HOXC11: variants seen among roughly 807,000 people sequenced by gnomAD.
HOXC11 encodes the protein homeobox protein Hox-C11.
A neutral mutation model predicts 23.6 loss-of-function variants in HOXC11; 17 were observed. The observed-to-expected ratio is 0.72, with a 90% CI of 0.49 to 1.08. The LOEUF (loss-of-function observed/expected upper bound fraction) is 1.08. Ranked by LOEUF, HOXC11 falls within the 50% of genes least tolerant of loss-of-function variation. The probability of loss-of-function intolerance (pLI) is 0.00; values close to 1 mark genes in which losing one functional copy is unlikely to be tolerated. For missense variants in HOXC11, 413 were observed against 412.1 expected (o/e 1.00, Z -0.02); for synonymous variants, 196 against 183.8 (o/e 1.07, Z -0.54).
Position 53,973,448 on chromosome 12 carries a change from G to A in HOXC11, c.207G>A (p.Pro69=). The A allele has an allele frequency of 6.2e-7, 1 of 1,613,964 alleles. No individual in the cohort carries two copies. The highest frequency in any genetic ancestry group is 8.5e-7 in the Non-Finnish European group (1 of 1,179,992). The stretch of plus-strand genomic sequence containing the variant: ...ATCCCTACTCGGCCCAAGTGCCCCC[G>A]GTCCGGGAGGTCTCCTACGGCCTGG... ...ISYPYSAQVP[P]VREVSYGLEP... The change falls in exon 1 of 2, where the codon CCG becomes CCA. Residue 69 remains proline, a synonymous_variant. Transcript: ENST00000546378. The surrounding 1 kb of genome is among the most constrained non-coding windows in gnomAD (Gnocchi z 4.3).
rs752968880 is a variant in HOXC11 at position 53,975,663 on chromosome 12, C to T, written c.*250C>T. The T allele has an allele frequency of 1.4e-5, 8 of 589,180 alleles. No individual in the cohort carries two copies. The Admixed American group carries it at 2.2e-4, about 16-fold the overall frequency. The allele number at this position is 589,180 out of a possible 1,614,324, so 36.5% of individuals were successfully genotyped here. A position where few individuals can be genotyped will look rare whatever the true frequency, so the allele number is the denominator to read the frequency against. ...GTGTCTGATGCACGGCGAGTGAACA[C>T]CGTTGGCGCCGAGGCCAAGACTTTG... On this transcript the variant is annotated 3_prime_UTR_variant, in exon 2 of 2. Transcript: ENST00000546378.
Position 53,973,218 on chromosome 12 carries a change from C to T in HOXC11, c.-24C>T. Reference sequence around the variant, plus strand: ...CTAGACCGGGTCCAAAACCTCCATCCGGAGCCGGCAGGAGAGGAGAACGAT... The same window carrying T: ...CTAGACCGGGTCCAAAACCTCCATCTGGAGCCGGCAGGAGAGGAGAACGAT... On this transcript the variant is annotated 5_prime_UTR_variant, in exon 1 of 2. Transcript: ENST00000546378. The surrounding 1 kb of genome is among the most constrained non-coding windows in gnomAD (Gnocchi z 4.3). 2 of 1,529,428 alleles carry T rather than the reference C, an allele frequency of 1.3e-6. No individual in the cohort carries two copies. Among genetic ancestry groups the T allele is most frequent in the Non-Finnish European group, 1.7e-6 (2 of 1,144,120 alleles). The allele number at this position is 1,529,428 out of a possible 1,614,324, so 94.7% of individuals were successfully genotyped here.
chr12:53,975,815 A>T lies in HOXC11; in HGVS notation c.*402A>T, dbSNP rs1046343981. The T allele has an allele frequency of 2.2e-6, 1 of 452,032 alleles. No homozygotes were observed. Among genetic ancestry groups the T allele is most frequent in the African/African-American group, 2.0e-5 (1 of 49,302 alleles). 28.0% of individuals were successfully genotyped at this position (452,032 alleles called of 1,614,324 possible). Reference sequence around the variant, plus strand: ...AAAGCCTTCCCTTGCCCATGTGAAAAGATCCGCTAAGACAGCATGTCTGCC... The same window carrying T: ...AAAGCCTTCCCTTGCCCATGTGAAATGATCCGCTAAGACAGCATGTCTGCC... On this transcript the variant is annotated 3_prime_UTR_variant, in exon 2 of 2. Coordinates refer to ENST00000546378, the MANE Select transcript of HOXC11 (RefSeq NM_014212.4).
rs1367275966 is a variant in HOXC11 at position 53,975,665 on chromosome 12, G to A, written c.*252G>A. 3.4e-6 allele frequency: 2 copies of A among 588,128 alleles called. No individual in the cohort carries two copies. Among genetic ancestry groups the A allele is most frequent in the Non-Finnish European group, 6.0e-6 (2 of 332,172 alleles). 36.4% of individuals were successfully genotyped at this position (588,128 alleles called of 1,614,324 possible). A position where few individuals can be genotyped will look rare whatever the true frequency, so the allele number is the denominator to read the frequency against. ...GTCTGATGCACGGCGAGTGAACACCGTTGGCGCCGAGGCCAAGACTTTGAT... is the reference window on the plus strand; with the variant it reads ...GTCTGATGCACGGCGAGTGAACACCATTGGCGCCGAGGCCAAGACTTTGAT... On this transcript the variant is annotated 3_prime_UTR_variant, in exon 2 of 2. Transcript: ENST00000546378.
intron 1 of HOXC11, among the ~76,000 whole-genome samples, chr12:53,974,703 C>A (rs991209955): frequency 6.6e-6 from 1 of 151,786 alleles, no homozygotes; most frequent in African/African-American, 2.4e-5. Context: ...TCTGGTGTCT[C>A]GGTGCCTGCT....
Position 53,973,679 on chromosome 12 carries a change from C to A in HOXC11, c.438C>A (p.Val146=). The change falls in exon 1 of 2, where the codon GTC becomes GTA. Residue 146 remains valine, a synonymous_variant. Coordinates refer to ENST00000546378, the MANE Select transcript of HOXC11 (RefSeq NM_014212.4). The surrounding 1 kb of genome is among the most constrained non-coding windows in gnomAD (Gnocchi z 4.3). ...GFYSSVNKNS[V]LPQAFDRFFD... ...ACTCCTCAGTCAACAAGAACAGCGT[C>A]CTGCCTCAAGCCTTCGACCGTTTCT... 6.2e-7 allele frequency: 1 copy of A among 1,613,756 alleles called. No homozygotes were observed. Among genetic ancestry groups the A allele is most frequent in the Non-Finnish European group, 8.5e-7 (1 of 1,180,036 alleles).
rs779994792 is a variant in HOXC11, at chr12:53,973,466, C to A, written c.225C>A (p.Tyr75Ter). ...TGCCCCCGGTCCGGGAGGTCTCCTA[C>A]GGCCTGGAGCCATCCGGCAAGTGGC... is the stretch of plus-strand genomic sequence containing the variant. ...AQVPPVREVS[Y>*]GLEPSGKWHH... The change falls in exon 1 of 2, where the codon TAC becomes TAA. Residue 75 changes from tyrosine (Y) to a stop codon, truncating the protein, a stop_gained. Transcript: ENST00000546378. LOFTEE classifies it high-confidence loss of function. This position sits in a 1 kb window ranked among gnomAD's most constrained non-coding sequence, Gnocchi z 4.3. 2 of 1,614,072 alleles carry A rather than the reference C, an allele frequency of 1.2e-6. No individual in the cohort carries two copies. Among genetic ancestry groups the A allele is most frequent in the African/African-American group, 1.3e-5 (1 of 74,930 alleles).
rs766435772 is a variant in HOXC11 at position 53,975,436 on chromosome 12, G to A, written c.*23G>A. ...TAACCTGCAGACCGGGCCCTTTTGG[G>A]GGCGGGGGGAGGGGAAAATTATTTT... On this transcript the variant is annotated 3_prime_UTR_variant, in exon 2 of 2. Coordinates refer to ENST00000546378, the MANE Select transcript of HOXC11 (RefSeq NM_014212.4). 3 of 992,310 alleles carry A rather than the reference G, an allele frequency of 3.0e-6. No individual in the cohort carries two copies. The highest frequency in any genetic ancestry group is 1.6e-5 in the African/African-American group (1 of 62,246). The allele number at this position is 992,310 out of a possible 1,614,324, so 61.5% of individuals were successfully genotyped here.
chr12:53,976,562 G>C lies in HOXC11; in HGVS notation c.*1149G>C, dbSNP rs1939264389. 1 of 169,172 alleles carries C rather than the reference G, an allele frequency of 5.9e-6. No homozygotes were observed. The highest frequency in any genetic ancestry group is 1.3e-5 in the Non-Finnish European group (1 of 77,598). The allele number at this position is 169,172 out of a possible 1,614,324, so 10.5% of individuals were successfully genotyped here. On this transcript the variant is annotated 3_prime_UTR_variant, in exon 2 of 2. Transcript: ENST00000546378. ...GCAGGCAGAGGTGAGATAGGCCGGT[G>C]CTAGCCGGCCTGGAGCTCCTCTCCG...
chr12:53,974,064 T>G (rs1443795818), intron 1 of HOXC11, 141 bp downstream of exon 1: 1 of 638,372 alleles, frequency 1.6e-6, no homozygotes, highest in Non-Finnish European at 2.5e-6. Flanking sequence ...TTTATAAGCA[T>G]TCAAAGGATT....
At position 53,975,503 on chromosome 12, in the gene HOXC11, G is replaced by A. The variant is rs1212294936; in HGVS notation, c.*90G>A. ...TTATTTTCTAACTCGTCTTCTTTCC[G>A]CCGGTGGAAAACTGGACTGTGGCCA... On this transcript the variant is annotated 3_prime_UTR_variant, in exon 2 of 2. Transcript: ENST00000546378. 8.3e-6 allele frequency: 8 copies of A among 967,934 alleles called. No homozygotes were observed. The highest frequency in any genetic ancestry group is 8.1e-5 in the Admixed American group (4 of 49,396). 60.0% of individuals were successfully genotyped at this position (967,934 alleles called of 1,614,324 possible).
Position 53,973,578 on chromosome 12 carries a change from A to C in HOXC11, c.337A>C (p.Ile113Leu), listed in dbSNP as rs1392981948. The change falls in exon 1 of 2, where the codon ATC becomes CTC. Residue 113 changes from isoleucine to leucine, a missense_variant. By Grantham distance (5) the Ile-to-Leu change is conservative. Transcript: ENST00000546378. The surrounding 1 kb of genome is among the most constrained non-coding windows in gnomAD (Gnocchi z 4.3). ...ECLPPSTVTE[I>L]LMKNEGSYGG... Reference sequence around the variant, plus strand: ...CCTGCCTCCTTCCACCGTCACCGAGATCCTCATGAAAAACGAAGGCTCCTA... The same window carrying C: ...CCTGCCTCCTTCCACCGTCACCGAGCTCCTCATGAAAAACGAAGGCTCCTA... 6.2e-7 allele frequency: 1 copy of C among 1,612,932 alleles called. No homozygotes were observed.
rs573617854 is a variant in HOXC11, at chr12:53,975,502, C to T, written c.*89C>T. The T allele has an allele frequency of 4.6e-5, 45 of 970,382 alleles. No individual in the cohort carries two copies. The South Asian group carries it at 6.0e-4, about 13-fold the overall frequency. The allele number at this position is 970,382 out of a possible 1,614,324, so 60.1% of individuals were successfully genotyped here. On this transcript the variant is annotated 3_prime_UTR_variant, in exon 2 of 2. Coordinates refer to ENST00000546378, the MANE Select transcript of HOXC11 (RefSeq NM_014212.4). ...TTTATTTTCTAACTCGTCTTCTTTC[C>T]GCCGGTGGAAAACTGGACTGTGGCC... is the stretch of plus-strand genomic sequence containing the variant.
chr12:53,975,100 C>T (rs1470519558), intron 1 of HOXC11, 81 bp from the exon 2 acceptor site: 2 of 668,358 alleles, frequency 3.0e-6, no homozygotes, highest in Middle Eastern at 4.1e-4. Context: ...GGCCGCTGAG[C>T]GCTCAGCGGG....
chr12:53,975,650 C>A lies in HOXC11; in HGVS notation c.*237C>A. ...GGGGTGAAGGGAAGTGTCTGATGCA[C>A]GGCGAGTGAACACCGTTGGCGCCGA... On this transcript the variant is annotated 3_prime_UTR_variant, in exon 2 of 2. Coordinates refer to ENST00000546378, the MANE Select transcript of HOXC11 (RefSeq NM_014212.4). The A allele has an allele frequency of 3.3e-6, 2 of 602,662 alleles. No homozygotes were observed. The highest frequency in any genetic ancestry group is 5.9e-6 in the Non-Finnish European group (2 of 339,396). 37.3% of individuals were successfully genotyped at this position (602,662 alleles called of 1,614,324 possible).
At position 53,973,735 on chromosome 12, in the gene HOXC11, C is replaced by T; in HGVS notation, c.494C>T (p.Pro165Leu). The change falls in exon 1 of 2, where the codon CCG becomes CTG. Residue 165 changes from proline to leucine, a missense_variant. Transcript: ENST00000546378. This position sits in a 1 kb window ranked among gnomAD's most constrained non-coding sequence, Gnocchi z 4.3. ...AACGCCTACTGCGGTGGCGGCGACC[C>T]GCCCGCCGAGCCCCCCTGCTCCGGC... ...FDNAYCGGGDPPAEPPCSGKG... is the reference protein window; with the variant it reads ...FDNAYCGGGDLPAEPPCSGKG... 1 of 1,612,798 alleles carries T rather than the reference C, an allele frequency of 6.2e-7. No individual in the cohort carries two copies. Among genetic ancestry groups the T allele is most frequent in the Non-Finnish European group, 8.5e-7 (1 of 1,179,794 alleles).
chr12:53,973,286 C>G lies in HOXC11; in HGVS notation c.45C>G (p.Arg15=). ...TGGGCAACTTCTGCTCTCCGTCGCG[C>G]AAGGAGAGGGGCGCAGATTTCGGCG... is the stretch of plus-strand genomic sequence containing the variant. ...VNLGNFCSPS[R]KERGADFGER... The change falls in exon 1 of 2, where the codon CGC becomes CGG. Residue 15 remains arginine, a synonymous_variant. Transcript: ENST00000546378. This position sits in a 1 kb window ranked among gnomAD's most constrained non-coding sequence, Gnocchi z 4.3. 2 of 1,613,638 alleles carry G rather than the reference C, an allele frequency of 1.2e-6. No individual in the cohort carries two copies. The highest frequency in any genetic ancestry group is 1.7e-6 in the Non-Finnish European group (2 of 1,179,908).
Position 53,975,196 on chromosome 12 carries a change from G to T in HOXC11, c.698G>T (p.Arg233Leu), listed in dbSNP as rs1346036785. 6 of 1,428,372 alleles carry T rather than the reference G, an allele frequency of 4.2e-6. No homozygotes were observed. Among genetic ancestry groups the T allele is most frequent in the African/African-American group, 1.5e-5 (1 of 67,212 alleles). 88.5% of individuals were successfully genotyped at this position (1,428,372 alleles called of 1,614,324 possible). Residue 233 changes from arginine to leucine, a missense_variant, in exon 2 of 2, where the codon CGC becomes CTC. Coordinates refer to ENST00000546378, the MANE Select transcript of HOXC11 (RefSeq NM_014212.4). ...CTCCCTCCAGACGCCCCCCGCACCC[G>T]CAAGAAGCGCTGCCCTTATTCGAAA... ...KGAAPNAPRT[R>L]KKRCPYSKFQ...
At position 53,973,131 on chromosome 12, in the gene HOXC11, C is replaced by CAG. The variant is rs938240917; in HGVS notation, c.-99_-98dup. 34 of 787,624 alleles carry CAG rather than the reference C, an allele frequency of 4.3e-5. No homozygotes were observed. Among genetic ancestry groups the CAG allele is most frequent in the South Asian group, 7.4e-5 (4 of 54,128 alleles). The allele number at this position is 787,624 out of a possible 1,614,324, so 48.8% of individuals were successfully genotyped here. A position where few individuals can be genotyped will look rare whatever the true frequency, so the allele number is the denominator to read the frequency against. On this transcript the variant is annotated 5_prime_UTR_variant, in exon 1 of 2. Transcript: ENST00000546378. The surrounding 1 kb of genome is among the most constrained non-coding windows in gnomAD (Gnocchi z 4.3). ...CAATATCTACTTTGGATCACGTGCT[C>CAG]AGAGAGAGAGAGACTAAGACGGATA...
Sources: allele counts gnomAD v4.1 joint callset (sites outside exome capture counted in the v4.1 genomes callset), GRCh38; gene constraint gnomAD v4.1.1; non-coding constraint Gnocchi (gnomAD v3.1); transcripts MANE v1.5; gene names NCBI Gene and HGNC (gene_info 2026-07-23, HGNC 2026-07-21).